SOX6: variants seen among roughly 807,000 people sequenced by gnomAD.
SOX6 encodes the protein transcription factor SOX-6.
SOX6 carries 11 observed loss-of-function variants against 97.8 expected under a neutral mutation model. The observed-to-expected ratio is 0.11, with a 90% CI of 0.07 to 0.19. The LOEUF is 0.19. SOX6 is among the 10% of genes least tolerant of loss of function. The pLI is 1.00. For missense variants in SOX6, 810 were observed against 1,039.5 expected (o/e 0.78, Z 3.04); for synonymous variants, 360 against 371.4 (o/e 0.97, Z 0.35).
intron 6 of SOX6, among the ~76,000 whole-genome samples, chr11:16,166,818 C>T (rs967585169): frequency 2.6e-5 from 4 of 152,082 alleles, no homozygotes; most frequent in African/African-American, 9.7e-5. Context: ...GTAGAAAAAA[C>T]ATTATGACAA....
At chr11:16,143,375 T>C (rs201381302) in intron 6 of SOX6, among the ~76,000 whole-genome samples, 8,756 of 152,072 alleles carry the variant, frequency 0.058, 646 homozygotes, top group East Asian at 0.37. Flanking sequence ...AAGGAACAAC[T>C]GGTACCAGCC....
At chr11:16,415,931 G>A (rs1477496300) in intron 1 of SOX6, among the ~76,000 whole-genome samples, 1 of 152,152 alleles carries the variant, frequency 6.6e-6, no homozygotes, top group African/African-American at 2.4e-5. Flanking sequence ...ATTCTAGATA[G>A]TCCTTTGATT....
chr11:16,659,024 A>G (rs929925703), intron 3 of SOX6, among the ~76,000 whole-genome samples: 4 of 152,198 alleles, frequency 2.6e-5, no homozygotes, highest in African/African-American at 7.2e-5. Flanking sequence ...TCATCTGCAG[A>G]AAAGTTTTTA....
At chr11:16,578,183 C>A (rs1291811942) in intron 4 of SOX6, among the ~76,000 whole-genome samples, 2 of 152,014 alleles carry the variant, frequency 1.3e-5, no homozygotes, top group African/African-American at 4.8e-5. Flanking sequence ...ATTATTTTCC[C>A]ATTGAATTGT....
At chr11:16,165,315 G>A (rs1850859358) in intron 6 of SOX6, among the ~76,000 whole-genome samples, 1 of 152,070 alleles carries the variant, frequency 6.6e-6, no homozygotes, top group Non-Finnish European at 1.5e-5. Flanking sequence ...TTACTAAACT[G>A]TGAGTTTCTT....
intron 1 of SOX6, among the ~76,000 whole-genome samples, chr11:16,379,363 G>T (rs1857737538): frequency 6.6e-6 from 1 of 152,094 alleles, no homozygotes; most frequent in East Asian, 1.9e-4. Flanking sequence ...CTACTTGGGA[G>T]GCTGAGGCAA....
intron 4 of SOX6, among the ~76,000 whole-genome samples, chr11:16,564,930 C>T (rs1361042630): frequency 1.3e-5 from 2 of 151,488 alleles, no homozygotes; most frequent in South Asian, 2.1e-4. Flanking sequence ...AAAATTAACC[C>T]AAAGCAAGCA....
chr11:16,465,209 A>G (rs561039353), intron 1 of SOX6, among the ~76,000 whole-genome samples: 1 of 152,242 alleles, frequency 6.6e-6, no homozygotes, highest in South Asian at 2.1e-4. Context: ...AGATATTGCC[A>G]TTTAGTTATC....
At position 16,268,396 on chromosome 11, in the gene SOX6, G is replaced by C. The variant is rs911674904; in HGVS notation, c.446-33725C>G. On this transcript the variant is annotated intron_variant, in intron 3 of 15. Coordinates refer to ENST00000683767, the MANE Select transcript of SOX6 (RefSeq NM_001367873.1). ...CTCATATATACCTTGATAAGACTAT[G>C]TTGCTATATAAATATCAAAGTAGAG... Among the ~76,000 whole-genome samples the C allele has an allele frequency of 3.3e-5, 5 of 151,204 alleles. No individual in the cohort carries two copies. In the South Asian group the frequency reaches 1.0e-3, roughly 31 times the overall value.
chr11:16,604,696 C>A (rs1848313224), intron 4 of SOX6, among the ~76,000 whole-genome samples: 1 of 152,212 alleles, frequency 6.6e-6, no homozygotes, highest in Admixed American at 6.5e-5. Context: ...CCAGGACAGC[C>A]CATCTCGCTA....
chr11:16,484,680 C>A (rs762690580), intron 4 of SOX6: 4 of 611,744 alleles, frequency 6.5e-6, no homozygotes, highest in Non-Finnish European at 1.2e-5. Flanking sequence ...ATGGCTGCTG[C>A]GCTCCCCAGA....
chr11:16,690,750 A>G (rs973552560), intron 3 of SOX6, among the ~76,000 whole-genome samples: 3 of 152,198 alleles, frequency 2.0e-5, no homozygotes, highest in African/African-American at 7.2e-5. Context: ...CTTAAACTCT[A>G]TTACATCATT....
intron 4 of SOX6, among the ~76,000 whole-genome samples, chr11:16,563,888 A>G (rs1168416602): frequency 6.6e-6 from 1 of 152,220 alleles, no homozygotes; most frequent in Non-Finnish European, 1.5e-5. Flanking sequence ...CTATAAGGGG[A>G]AAATAATTCA....
upstream of SOX6, among the ~76,000 whole-genome samples, chr11:16,479,850 A>G (rs1195594842): frequency 6.6e-6 from 1 of 152,088 alleles, no homozygotes; most frequent in Non-Finnish European, 1.5e-5. Flanking sequence ...TTTCAACGCT[A>G]CTTTCAAAAA....
At chr11:16,355,997 T>C (rs1857062908) in intron 1 of SOX6, among the ~76,000 whole-genome samples, 97 bp downstream of exon 1, 1 of 152,040 alleles carries the variant, frequency 6.6e-6, no homozygotes, top group African/African-American at 2.4e-5. Flanking sequence ...CAAGCCATCA[T>C]CCCACCCAAT....
chr11:16,642,292 A>T (rs1848929663), intron 3 of SOX6, among the ~76,000 whole-genome samples: 1 of 151,516 alleles, frequency 6.6e-6, no homozygotes, highest in Admixed American at 6.6e-5. Context: ...AGTCTGATGG[A>T]CTTCCCTTTG....
intron 3 of SOX6, among the ~76,000 whole-genome samples, chr11:16,242,876 CT>C (rs1375423005): frequency 6.6e-6 from 1 of 151,756 alleles, no homozygotes; most frequent in African/African-American, 2.4e-5. Flanking sequence ...TTTAAGGACC[CT>C]TTATAGTTTG....
At chr11:16,713,213 AT>A (rs1848194212) in intron 3 of SOX6, among the ~76,000 whole-genome samples, 1 of 152,200 alleles carries the variant, frequency 6.6e-6, no homozygotes, top group African/African-American at 2.4e-5. Flanking sequence ...GTGGCCAAAA[AT>A]ATCAGAAAAA....
intron 13 of SOX6, among the ~76,000 whole-genome samples, chr11:15,994,749 T>C (rs530716264): frequency 8.0e-4 from 122 of 152,262 alleles, no homozygotes; most frequent in Non-Finnish European, 1.4e-3. Context: ...TGCAAAATAT[T>C]GGCGCAAAAG....
Sources: allele counts gnomAD v4.1 joint callset (sites outside exome capture counted in the v4.1 genomes callset), GRCh38; gene constraint gnomAD v4.1.1; transcripts MANE v1.5; gene names NCBI Gene and HGNC (gene_info 2026-07-23, HGNC 2026-07-21).